DPY19L3: variants seen among roughly 807,000 people sequenced by gnomAD.
DPY19L3 encodes the protein dpy-19 like C-mannosyltransferase 3, also known as protein C-mannosyl-transferase DPY19L3.
Under a neutral mutation model 92.3 loss-of-function variants are expected in DPY19L3, and 51 were observed. The observed-to-expected ratio is 0.55, with a 90% CI of 0.44 to 0.70. DPY19L3 has a LOEUF of 0.70. DPY19L3 is among the 30% of genes least tolerant of loss of function. The probability of loss-of-function intolerance (pLI) is 0.00; values close to 1 mark genes in which losing one functional copy is unlikely to be tolerated. For missense variants in DPY19L3, 706 were observed against 855.9 expected (o/e 0.82, Z 2.18); for synonymous variants, 309 against 315.2 (o/e 0.98, Z 0.21).
chr19:32,466,365 GC>G lies in DPY19L3; in HGVS notation c.1614+1587del, dbSNP rs1004959220. Among the ~76,000 whole-genome samples, 79 of 152,122 alleles carry G rather than the reference GC, an allele frequency of 5.2e-4. 3 individuals carry two copies. The highest frequency in any genetic ancestry group is 2.9e-5 in the Non-Finnish European group (2 of 68,010). On this transcript the variant is annotated intron_variant, in intron 15 of 18. Transcript: ENST00000392250. ...CAGTACAGAAATAGGCATTTAACCA[GC>G]CCCCCAGTTTTAAGAACCCCCTGCT... is the stretch of plus-strand genomic sequence containing the variant.
chr19:32,423,422 G>GTTTTTTTTTTTTTTTTTTTTTTTTT (rs1599601418), intron 3 of DPY19L3, among the ~76,000 whole-genome samples: 4 of 48,488 alleles, frequency 8.2e-5, no homozygotes, highest in African/African-American at 1.5e-4. Context: ...TTTTTTTTTG[G>GTTTTTTTTTTTTTTTTTTTTTTTTT]TATTTTTAGT....
At chr19:32,467,808 A>G (rs1970242793) in intron 15 of DPY19L3, 2 of 980,470 alleles carry the variant, frequency 2.0e-6, no homozygotes, top group African/African-American at 1.7e-5. Flanking sequence ...GATAAAAACA[A>G]TTAAGATTTA....
chr19:32,446,957 G>A (rs745721281), intron 8 of DPY19L3, among the ~76,000 whole-genome samples: 16 of 152,014 alleles, frequency 1.1e-4, no homozygotes, highest in Non-Finnish European at 1.6e-4. Flanking sequence ...ACTATCTCCC[G>A]AGCCATAAAA....
chr19:32,433,701 G>A (rs142964282), intron 4 of DPY19L3, among the ~76,000 whole-genome samples: 201 of 152,270 alleles, frequency 1.3e-3, no homozygotes, highest in African/African-American at 4.6e-3. Context: ...GGAATTATAG[G>A]CATGAGCCAC....
chr19:32,410,885 A>G (rs1199123132), intron 2 of DPY19L3, among the ~76,000 whole-genome samples: 1 of 152,240 alleles, frequency 6.6e-6, no homozygotes, highest in Non-Finnish European at 1.5e-5. Flanking sequence ...ATTACGTCCT[A>G]GACACGTAAC....
In DPY19L3 at chr19:32,439,095, T is replaced by C; in HGVS notation, c.597-17T>C. ...TAAAAACTATCACTTTGGCCATTTG[T>C]GTTTTCTTTTGTGCAGAATAGATAC... On this transcript the variant is annotated splice_polypyrimidine_tract_variant and intron_variant, in intron 6 of 18. Coordinates refer to ENST00000392250, the MANE Select transcript of DPY19L3 (RefSeq NM_001172774.2). 1 of 1,588,742 alleles carries C rather than the reference T, an allele frequency of 6.3e-7. No homozygotes were observed. Among genetic ancestry groups the C allele is most frequent in the Non-Finnish European group, 8.6e-7 (1 of 1,168,498 alleles).
chr19:32,471,982 C>T (rs1470433928), intron 16 of DPY19L3, among the ~76,000 whole-genome samples: 2 of 152,112 alleles, frequency 1.3e-5, no homozygotes, highest in African/African-American at 4.8e-5. Flanking sequence ...GTATGGGCAC[C>T]GTGTGAAGTG....
At chr19:32,412,991 T>A (rs1568322746) in intron 3 of DPY19L3, 1 of 152,206 alleles carries the variant, frequency 6.6e-6, no homozygotes, top group Non-Finnish European at 1.5e-5. Context: ...TTTCCTTGTT[T>A]TCTTTCTCTC....
chr19:32,429,610 T>C (rs1428047062), intron 3 of DPY19L3, among the ~76,000 whole-genome samples: 1 of 152,196 alleles, frequency 6.6e-6, no homozygotes, highest in African/African-American at 2.4e-5. Context: ...TTGAGCAGTG[T>C]TTTTTCTTAT....
chr19:32,430,535 A>G (rs1487476189), intron 3 of DPY19L3, among the ~76,000 whole-genome samples: 1 of 152,202 alleles, frequency 6.6e-6, no homozygotes, highest in East Asian at 1.9e-4. Flanking sequence ...AAACAATGAT[A>G]AAAAGATTTA....
intron 9 of DPY19L3, 75 bp from the exon 10 acceptor site, chr19:32,454,864 A>T: frequency 1.0e-6 from 1 of 970,430 alleles, no homozygotes; most frequent in Non-Finnish European, 1.6e-6. Flanking sequence ...TTAAATCCTT[A>T]AGTAAGCTCA....
At chr19:32,470,059 A>G (rs1483665558) in intron 16 of DPY19L3, among the ~76,000 whole-genome samples, 1 of 152,234 alleles carries the variant, frequency 6.6e-6, no homozygotes, top group East Asian at 1.9e-4. Context: ...CCCTAGGGCA[A>G]CGCATGGATC....
intron 8 of DPY19L3, 25 bp downstream of exon 8, chr19:32,439,935 T>G (rs376969855): frequency 1.9e-6 from 3 of 1,609,486 alleles, no homozygotes; most frequent in Non-Finnish European, 2.5e-6. Flanking sequence ...CTTTTCTCAC[T>G]TGAGATTTTG....
rs564043258 is a variant in DPY19L3, at chr19:32,455,237, A to G, written c.1089+197A>G. On this transcript the variant is annotated intron_variant, in intron 10 of 18. Transcript: ENST00000392250. ...AGCCTCCCAAGTTGCCGGGACTACA[A>G]GTGTGCACCACCACACCTGGCTTCT... 1.9e-4 allele frequency among the ~76,000 whole-genome samples: 29 copies of G among 152,204 alleles called. No individual in the cohort carries two copies. The highest frequency in any genetic ancestry group is 6.5e-4 in the African/African-American group (27 of 41,528).
chr19:32,445,681 A>G (rs972049682), intron 8 of DPY19L3, among the ~76,000 whole-genome samples: 11 of 152,124 alleles, frequency 7.2e-5, no homozygotes, highest in Non-Finnish European at 1.5e-4. Context: ...AATATAACAG[A>G]CTTTTCTTAT....
At chr19:32,478,246 C>T (rs956337964) in intron 17 of DPY19L3, among the ~76,000 whole-genome samples, 1 of 152,140 alleles carries the variant, frequency 6.6e-6, no homozygotes, top group Non-Finnish European at 1.5e-5. Context: ...GGGACCTCTG[C>T]CTGCCCATAT....
intron 1 of DPY19L3, among the ~76,000 whole-genome samples, chr19:32,407,271 C>CT (rs1555714155): frequency 7.4e-6 from 1 of 134,502 alleles, no homozygotes; most frequent in Admixed American, 7.5e-5. Context: ...TGCTCCCCCC[C>CT]ACCCATTACT....
chr19:32,446,068 T>C (rs539181352), intron 8 of DPY19L3, among the ~76,000 whole-genome samples: 3 of 152,300 alleles, frequency 2.0e-5, no homozygotes, highest in African/African-American at 7.2e-5. Context: ...GTTCTCTATA[T>C]GTAAAAGAAA....
intron 3 of DPY19L3, among the ~76,000 whole-genome samples, chr19:32,423,422 G>GTTTTTTTTTTTTTTTTTTTTTTTT (rs1599601418): frequency 4.1e-5 from 2 of 48,488 alleles, no homozygotes; most frequent in Non-Finnish European, 4.5e-5. Context: ...TTTTTTTTTG[G>GTTTTTTTTTTTTTTTTTTTTTTTT]TATTTTTAGT....
Sources: allele counts gnomAD v4.1 joint callset (sites outside exome capture counted in the v4.1 genomes callset), GRCh38; gene constraint gnomAD v4.1.1; transcripts MANE v1.5; gene names NCBI Gene and HGNC (gene_info 2026-07-23, HGNC 2026-07-21).